LSP1: variants seen among roughly 807,000 people sequenced by gnomAD.
LSP1 encodes lymphocyte specific protein 1, also known as lymphocyte-specific protein 1.
In LSP1, 32 loss-of-function variants were observed where a neutral mutation model predicts 49.3. That is an observed-to-expected ratio of 0.65 (90% confidence interval 0.49 to 0.87). The LOEUF is 0.87. Among genes scored for constraint, LSP1 ranks in the 40% least tolerant of loss-of-function variants. The probability of loss-of-function intolerance (pLI) is 0.00; values close to 1 mark genes in which losing one functional copy is unlikely to be tolerated. For missense variants in LSP1, 428 were observed against 442.6 expected (o/e 0.97, Z 0.30); for synonymous variants, 179 against 178.8 (o/e 1.00, Z -0.01).
intron 8 of LSP1, 124 bp downstream of exon 8, chr11:1,886,990 C>T: frequency 7.9e-7 from 1 of 1,264,972 alleles, no homozygotes; most frequent in Non-Finnish European, 1.1e-6. Flanking sequence ...TATACAGAAC[C>T]CTGAGGTATT....
rs566220298 is a variant in LSP1 at position 1,874,654 on chromosome 11, C to T, written c.54-5433C>T. On this transcript the variant is annotated intron_variant, in intron 1 of 10. Coordinates refer to ENST00000311604, the MANE Select transcript of LSP1 (RefSeq NM_002339.3). Reference sequence around the variant, plus strand: ...AGGTGGGCTGGATGAGCCAGGGAGGCGCCGGGAGGGGCCTTGGCAGAGGCG... The same window carrying T: ...AGGTGGGCTGGATGAGCCAGGGAGGTGCCGGGAGGGGCCTTGGCAGAGGCG... Among the ~76,000 whole-genome samples the T allele has an allele frequency of 1.9e-4, 29 of 152,214 alleles. No individual in the cohort carries two copies. The South Asian group carries it at 4.1e-3, about 22-fold the overall frequency.
Position 1,883,554 on chromosome 11 carries a change from G to T in LSP1, c.492G>T (p.Gln164His). Residue 164 changes from glutamine to histidine, a missense_variant, in exon 4 of 11, where the codon CAG becomes CAT. Transcript: ENST00000311604. ...GGGCCGCAGGGGCTGAGGAGGAACA[G>T]GAGGAGGTGATGGCTCCACCTCAGA... ...NLGAAGAEEE[Q>H]EEHQKCQQPR... The T allele has an allele frequency of 6.2e-7, 1 of 1,610,626 alleles. No individual in the cohort carries two copies. Among genetic ancestry groups the T allele is most frequent in the Non-Finnish European group, 8.5e-7 (1 of 1,178,760 alleles).
At chr11:1,863,997 A>G (rs1320293584) in intron 1 of LSP1, among the ~76,000 whole-genome samples, 1 of 147,960 alleles carries the variant, frequency 6.8e-6, no homozygotes, top group Non-Finnish European at 1.5e-5. Flanking sequence ...GGTGACAACA[A>G]GAGCAGAGGC....
At chr11:1,876,697 G>T in intron 1 of LSP1, 1 of 935,910 alleles carries the variant, frequency 1.1e-6, no homozygotes, top group South Asian at 4.9e-5. Context: ...GGCCCTCAGC[G>T]GGGACTGGGA....
At chr11:1,869,300 A>G in intron 1 of LSP1, 1 of 274,296 alleles carries the variant, frequency 3.6e-6, no homozygotes, top group Non-Finnish European at 7.3e-6. Context: ...TGGGGCTGTG[A>G]GGGTCTCTTG....
At chr11:1,880,353 C>G (rs1848488565) in intron 2 of LSP1, 129 bp downstream of exon 2, 1 of 1,177,654 alleles carries the variant, frequency 8.5e-7, no homozygotes, top group Admixed American at 3.4e-5. Context: ...GAAGGGCCCC[C>G]AGGAGCAGGC....
At chr11:1,890,867 T>C in intron 10 of LSP1, 1 of 468,850 alleles carries the variant, frequency 2.1e-6, no homozygotes, top group Non-Finnish European at 3.9e-6. Flanking sequence ...GGCTCTGTCC[T>C]CCATGCCACC....
At chr11:1,855,855 C>T (rs1423637026) in intron 1 of LSP1, among the ~76,000 whole-genome samples, 1 of 152,216 alleles carries the variant, frequency 6.6e-6, no homozygotes, top group Non-Finnish European at 1.5e-5. Context: ...AAGAGCAAGG[C>T]TCTCCCCACA....
intron 1 of LSP1, chr11:1,876,642 G>A (rs188968127): frequency 2.4e-5 from 24 of 985,330 alleles, no homozygotes; most frequent in East Asian, 1.1e-4. Flanking sequence ...GGGGGAGGAC[G>A]GAGGTGGGTA....
Position 1,887,494 on chromosome 11 carries a change from G to T in LSP1, c.951G>T (p.Arg317Ser). 1 of 1,613,840 alleles carries T rather than the reference G, an allele frequency of 6.2e-7. No homozygotes were observed. Among genetic ancestry groups the T allele is most frequent in the Middle Eastern group, 1.7e-4 (1 of 6,060 alleles). Reference sequence around the variant, plus strand: ...AACAGAGCACCCCATCTGGGAAGAGGTATAAGTTTGTGGCCACCGGGCATG... The same window carrying T: ...AACAGAGCACCCCATCTGGGAAGAGTTATAAGTTTGTGGCCACCGGGCATG... Reference protein sequence around the residue: ...STIKSTPSGKRYKFVATGHGK... With the variant: ...STIKSTPSGKSYKFVATGHGK... Residue 317 changes from arginine to serine, a missense_variant, in exon 10 of 11, where the codon AGG (arginine) becomes AGT (serine). Arg to Ser is a moderately radical substitution (Grantham distance 110). Transcript: ENST00000311604.
At position 1,884,343 on chromosome 11, in the gene LSP1, T is replaced by C; in HGVS notation, c.635+20T>C. On this transcript the variant is annotated intron_variant, in intron 6 of 10. Transcript: ENST00000311604. This position sits in a 1 kb window ranked among gnomAD's most constrained non-coding sequence, Gnocchi z 4.1. ...GAAGAGGTCTGTCTGTCTGTCTGTC[T>C]GCTTTCTGGGCTCAGATCTTAGGTT... The C allele has an allele frequency of 6.2e-7, 1 of 1,614,034 alleles. No homozygotes were observed. The highest frequency in any genetic ancestry group is 8.5e-7 in the Non-Finnish European group (1 of 1,179,950).
chr11:1,870,435 G>C, intron 1 of LSP1: 1 of 1,207,800 alleles, frequency 8.3e-7, no homozygotes, highest in Non-Finnish European at 1.1e-6. Flanking sequence ...CAGGGATGAT[G>C]AGTCTGGGAG....
chr11:1,866,975 T>C lies in LSP1; in HGVS notation c.54-13112T>C. ...GGCCCAGGCTCGGGGCCAGTCCCTG[T>C]GGACCTGGGGAGGAGACACTGAAGC... is the stretch of plus-strand genomic sequence containing the variant. On this transcript the variant is annotated intron_variant, in intron 1 of 10. Transcript: ENST00000311604. The C allele has an allele frequency of 4.2e-6, 6 of 1,417,604 alleles. No homozygotes were observed. The South Asian group carries it at 5.6e-5, about 13-fold the overall frequency. 87.8% of individuals were successfully genotyped at this position (1,417,604 alleles called of 1,614,324 possible). A position where few individuals can be genotyped will look rare whatever the true frequency, so the allele number is the denominator to read the frequency against.
intron 1 of LSP1, among the ~76,000 whole-genome samples, chr11:1,855,873 A>G (rs557769716): frequency 6.6e-6 from 1 of 152,276 alleles, no homozygotes; most frequent in African/African-American, 2.4e-5. Context: ...ACACTGAGGA[A>G]CTATCTGGCC....
intron 3 of LSP1, among the ~76,000 whole-genome samples, chr11:1,881,879 C>A (rs762818052): frequency 2.0e-5 from 3 of 152,132 alleles, no homozygotes; most frequent in Non-Finnish European, 4.4e-5. Context: ...CGAGGGGCCG[C>A]GAGGAAACCT....
intron 1 of LSP1, among the ~76,000 whole-genome samples, chr11:1,876,018 A>G (rs541278218): frequency 1.4e-4 from 22 of 152,300 alleles, no homozygotes; most frequent in Non-Finnish European, 2.8e-4. Flanking sequence ...GGCTCATGTG[A>G]GCAGTGCCCC....
chr11:1,860,181 A>G (rs1847588636), intron 1 of LSP1, among the ~76,000 whole-genome samples: 1 of 152,236 alleles, frequency 6.6e-6, no homozygotes, highest in Non-Finnish European at 1.5e-5. Context: ...AAAAGAATCA[A>G]TTATGGAGAA....
chr11:1,858,892 C>T (rs1847553758), intron 1 of LSP1, among the ~76,000 whole-genome samples: 2 of 152,214 alleles, frequency 1.3e-5, no homozygotes, highest in African/African-American at 2.4e-5. Flanking sequence ...GAGGGAGATG[C>T]TGAGCAGGGG....
intron 1 of LSP1, among the ~76,000 whole-genome samples, chr11:1,856,588 G>A (rs1404574173): frequency 6.6e-6 from 1 of 152,246 alleles, no homozygotes; most frequent in Non-Finnish European, 1.5e-5. Flanking sequence ...GAAGGGCAGG[G>A]ATGACCTGAG....
Sources: gnomAD v4.1 joint callset for allele counts (sites outside exome capture counted in the v4.1 genomes callset) on GRCh38, gnomAD v4.1.1 for gene constraint, Gnocchi (gnomAD v3.1) non-coding constraint, MANE v1.5 for transcripts, NCBI Gene and HGNC (gene_info 2026-07-23, HGNC 2026-07-21) for gene names.